Variants in SYNE1 observed in about 807,000 individuals in gnomAD.
SYNE1 encodes nesprin-1.
In SYNE1, 616 loss-of-function variants were observed where a neutral mutation model predicts 1,111.0. That is an observed-to-expected ratio of 0.55 (90% CI 0.52 to 0.59). The LOEUF is 0.59. SYNE1 is among the 20% of genes least tolerant of loss of function. SYNE1 has a pLI of 0.00. For synonymous variants in SYNE1, 3,855 were observed against 3,825.8 expected (o/e 1.01, Z -0.28); for missense variants, 10,006 against 10,417.0 (o/e 0.96, Z 1.72).
At chr6:152,127,536 C>T (rs937013888) in intron 145 of SYNE1, 6 of 152,076 alleles carry the variant, frequency 3.9e-5, no homozygotes, top group Non-Finnish European at 5.9e-5. Flanking sequence ...GGAAAACATA[C>T]CTGATTTATT....
chr6:152,601,937 C>T (rs1302377725), intron 3 of SYNE1, among the ~76,000 whole-genome samples: 1 of 152,130 alleles, frequency 6.6e-6, no homozygotes, highest in Non-Finnish European at 1.5e-5. Context: ...ATCTTGCCTA[C>T]CCACATGCTG....
chr6:152,471,206 A>G (rs990543253), intron 16 of SYNE1, among the ~76,000 whole-genome samples: 2 of 152,216 alleles, frequency 1.3e-5, no homozygotes, highest in Non-Finnish European at 2.9e-5. Context: ...GAATGGTTCT[A>G]AACTAGTCAT....
chr6:152,590,016 C>G (rs2099554164), intron 3 of SYNE1, among the ~76,000 whole-genome samples: 1 of 151,188 alleles, frequency 6.6e-6, no homozygotes, highest in South Asian at 2.1e-4. Context: ...CTCACTGTAA[C>G]CTCGAACCCT....
At chr6:152,423,100 G>T (rs541083999) in intron 39 of SYNE1, among the ~76,000 whole-genome samples, 1 of 152,244 alleles carries the variant, frequency 6.6e-6, no homozygotes, top group South Asian at 2.1e-4. Flanking sequence ...ACCTGAAAAA[G>T]ACCTTTACCA....
At chr6:152,500,807 C>T (rs534105450) in intron 10 of SYNE1, among the ~76,000 whole-genome samples, 167 of 151,920 alleles carry the variant, frequency 1.1e-3, no homozygotes, top group African/African-American at 3.5e-3. Context: ...AAAAATTAGC[C>T]GGGCGTGGTG....
In SYNE1 at chr6:152,293,606, G is replaced by A. The variant is rs1449589844; in HGVS notation, c.17994C>T (p.Ser5998=). 1.2e-6 allele frequency: 2 copies of A among 1,614,086 alleles called. No homozygotes were observed. The highest frequency in any genetic ancestry group is 1.7e-6 in the Non-Finnish European group (2 of 1,179,998). Residue 5998 remains serine, a synonymous_variant, in exon 95 of 146, where the codon AGC becomes AGT. Coordinates refer to ENST00000367255, the MANE Select transcript of SYNE1 (RefSeq NM_182961.4). ...ESPEPGRSPE[S]QMAEHQALMD... ...TTTGTACCTGATGTTCAGCCATCTG[G>A]CTTTCTGGACTCCTGCCAGGCTCTG...
At chr6:152,550,906 G>A (rs1193881191) in intron 3 of SYNE1, among the ~76,000 whole-genome samples, 1 of 152,154 alleles carries the variant, frequency 6.6e-6, no homozygotes, top group Non-Finnish European at 1.5e-5. Flanking sequence ...GAATCACACA[G>A]AAGTGCAGGG....
At chr6:152,353,566 T>G in intron 68 of SYNE1, 23 bp downstream of exon 68, 1 of 1,614,182 alleles carries the variant, frequency 6.2e-7, no homozygotes, top group Non-Finnish European at 8.5e-7. Flanking sequence ...TGGTCTATGC[T>G]GAGCACCTGG....
chr6:152,188,760 C>T (rs530079342), intron 128 of SYNE1, among the ~76,000 whole-genome samples: 4 of 151,352 alleles, frequency 2.6e-5, no homozygotes, highest in Non-Finnish European at 5.9e-5. Context: ...AGATCGAGAC[C>T]ATCCTGGCTA....
At chr6:152,339,049 A>G (rs1488933751) in intron 75 of SYNE1, among the ~76,000 whole-genome samples, 192 bp downstream of exon 75, 1 of 152,250 alleles carries the variant, frequency 6.6e-6, no homozygotes, top group Non-Finnish European at 1.5e-5. Context: ...ATCTGATGTC[A>G]TCAATGTCAG....
chr6:152,609,915 A>G (rs1486896161), intron 3 of SYNE1, among the ~76,000 whole-genome samples: 3 of 152,222 alleles, frequency 2.0e-5, no homozygotes, highest in Non-Finnish European at 4.4e-5. Context: ...TGACTGTTGG[A>G]AGGAAAACTA....
chr6:152,258,680 T>A (rs9383615), intron 101 of SYNE1, among the ~76,000 whole-genome samples: 1 of 151,810 alleles, frequency 6.6e-6, no homozygotes, highest in African/African-American at 2.4e-5. Context: ...GGCAATGATA[T>A]GGTGTAGCAT....
At chr6:152,451,549 C>A (rs569633342) in intron 25 of SYNE1, among the ~76,000 whole-genome samples, 3 of 123,474 alleles carry the variant, frequency 2.4e-5, no homozygotes, top group Admixed American at 1.1e-4. Context: ...GTGGTGCGAT[C>A]TTGGCTCACT....
chr6:152,318,933 TC>T lies in SYNE1; in HGVS notation c.16318del (p.Asp5440ThrfsTer6). 1 of 1,614,208 alleles carries T rather than the reference TC, an allele frequency of 6.2e-7. No individual in the cohort carries two copies. The highest frequency in any genetic ancestry group is 2.2e-5 in the East Asian group (1 of 44,884). ...LSRQIQKLAKDLTTILTKLKA... is the reference protein window; with the variant it reads ...LSRQIQKLAKXLTTILTKLKA... ...CAGCTTAGTTAGAATAGTTGTGAGG[TC>T]TTTAGCTAACTTCTGAATTTGCCGG... On this transcript the variant is annotated frameshift_variant, in exon 85 of 146. Coordinates refer to ENST00000367255, the MANE Select transcript of SYNE1 (RefSeq NM_182961.4). LOFTEE classifies it high-confidence loss of function.
chr6:152,125,301 A>G lies in SYNE1; in HGVS notation c.26154-2625T>C, dbSNP rs2052995113. Reference sequence around the variant, plus strand: ...TGTAGAAGCAAAGAAGAGAATCCTGAACTTGCATCCTAAAATATTTGGAAA... The same window carrying G: ...TGTAGAAGCAAAGAAGAGAATCCTGGACTTGCATCCTAAAATATTTGGAAA... On this transcript the variant is annotated intron_variant, in intron 145 of 145. Coordinates refer to ENST00000367255, the MANE Select transcript of SYNE1 (RefSeq NM_182961.4). 4 of 1,550,426 alleles carry G rather than the reference A, an allele frequency of 2.6e-6. No homozygotes were observed. In the South Asian group the frequency reaches 3.6e-5, roughly 14 times the overall value.
chr6:152,329,608 T>C, intron 78 of SYNE1, 122 bp downstream of exon 78: 5 of 1,275,154 alleles, frequency 3.9e-6, no homozygotes, highest in Non-Finnish European at 5.6e-6. Context: ...TGAAGATGCT[T>C]CTGTGTAGTA....
At chr6:152,503,289 G>T (rs1338351958) in intron 9 of SYNE1, among the ~76,000 whole-genome samples, 1 of 152,024 alleles carries the variant, frequency 6.6e-6, no homozygotes, top group Non-Finnish European at 1.5e-5. Flanking sequence ...TCAATTTCCT[G>T]GGCAGCCTCC....
At chr6:152,605,033 A>AGGGAGG (rs1284002995) in intron 3 of SYNE1, among the ~76,000 whole-genome samples, 16 of 25,422 alleles carry the variant, frequency 6.3e-4, no homozygotes, top group African/African-American at 1.2e-3. Context: ...AGAGAGAGAG[A>AGGGAGG]GAGGGAGGGA....
chr6:152,135,733 G>A (rs915877107), intron 141 of SYNE1, among the ~76,000 whole-genome samples: 4 of 152,236 alleles, frequency 2.6e-5, no homozygotes, highest in East Asian at 3.9e-4. Flanking sequence ...TTAGGTACCC[G>A]CTTTCAAGGA....
Sources: gnomAD v4.1 joint callset for allele counts (sites outside exome capture counted in the v4.1 genomes callset) on GRCh38, gnomAD v4.1.1 for gene constraint, MANE v1.5 for transcripts, NCBI Gene and HGNC (gene_info 2026-07-23, HGNC 2026-07-21) for gene names.